The following FASN variants were observed in gnomAD, a reference collection of about 807,000 sequenced individuals.
FASN encodes the protein fatty acid synthase.
A neutral mutation model predicts 250.0 loss-of-function variants in FASN; 50 were observed. The ratio of observed to expected loss-of-function variants is 0.20; its 90% CI spans 0.16 to 0.25. The LOEUF is 0.25. Ranked by LOEUF, FASN falls within the 10% of genes least tolerant of loss-of-function variation. FASN has a pLI of 1.00. For missense variants in FASN, 3,031 were observed against 3,498.5 expected, an observed-to-expected ratio of 0.87 and a Z score of 3.37; for synonymous variants, 1,909 against 1,584.0, an observed-to-expected ratio of 1.21 and a Z score of -4.87.
chr17:82,080,017 T>C, intron 41 of FASN, 123 bp downstream of exon 41: 2 of 1,088,732 alleles, frequency 1.8e-6, no homozygotes, highest in Non-Finnish European at 2.8e-6. Flanking sequence ...CGGGATCGGC[T>C]ATTAAAGGGG....
intron 11 of FASN, 30 bp from the exon 12 acceptor site, chr17:82,089,756 C>A (rs751126577): frequency 1.5e-5 from 24 of 1,551,568 alleles, no homozygotes; most frequent in Non-Finnish European, 2.0e-5. Context: ...AGAGGCTTAG[C>A]GTGGACACCG....
In FASN at chr17:82,083,801, T is replaced by C; in HGVS notation, c.5189A>G (p.Gln1730Arg). ...CCCGCCCGTGTGCCACAGCACATGC[T>C]GCTCGAAGGATGTGTCCCGGGAGTT... is the stretch of plus-strand genomic sequence containing the variant. ...FANSRDTSFE[Q>R]HVLWHTGGKG... Residue 1730 changes from glutamine (Q) to arginine (R), a missense_variant, in exon 30 of 43, where the codon CAG (glutamine) becomes CGG (arginine). Gln to Arg is a conservative substitution (Grantham distance 43, BLOSUM62 1). Coordinates refer to ENST00000306749, the MANE Select transcript of FASN (RefSeq NM_004104.5). 2 of 1,610,758 alleles carry C rather than the reference T, an allele frequency of 1.2e-6. No individual in the cohort carries two copies. The highest frequency in any genetic ancestry group is 1.7e-6 in the Non-Finnish European group (2 of 1,179,368).
In FASN at chr17:82,089,230, C is replaced by T; in HGVS notation, c.2100+20G>A. The T allele has an allele frequency of 6.2e-7, 1 of 1,611,792 alleles. No individual in the cohort carries two copies. The highest frequency in any genetic ancestry group is 1.3e-5 in the African/African-American group (1 of 74,988). On this transcript the variant is annotated intron_variant, in intron 13 of 42. Coordinates refer to ENST00000306749, the MANE Select transcript of FASN (RefSeq NM_004104.5). ...GGGTCCCCTGGCCCGCCCCGCACCC[C>T]CCAGGCCGTATTAGTCCACCTTCTT...
At chr17:82,087,019 G>A (rs1237049097) in intron 21 of FASN, 31 bp downstream of exon 21, 3 of 1,608,512 alleles carry the variant, frequency 1.9e-6, no homozygotes, top group African/African-American at 1.3e-5. Context: ...ATCGCCAGAG[G>A]TGTCCGAAGC....
Position 82,091,624 on chromosome 17 carries a change from G to A in FASN, c.1090C>T (p.Pro364Ser), listed in dbSNP as rs779558418. The A allele has an allele frequency of 1.1e-5, 18 of 1,597,110 alleles. No individual in the cohort carries two copies. Among genetic ancestry groups the A allele is most frequent in the Middle Eastern group, 1.7e-4 (1 of 6,044 alleles). Residue 364 changes from proline to serine, a missense_variant, in exon 9 of 43, where the codon CCT becomes TCT. Pro to Ser is a moderately conservative substitution (Grantham distance 74). Transcript: ENST00000306749. ...CCATCCAACAGCGCTGGGATCTCAGGGTTGGGGCTATGGAAGTGCAGGTTG... is the reference window on the plus strand; with the variant it reads ...CCATCCAACAGCGCTGGGATCTCAGAGTTGGGGCTATGGAAGTGCAGGTTG... Reference protein sequence around the residue: ...APNLHFHSPNPEIPALLDGRL... With the variant: ...APNLHFHSPNSEIPALLDGRL...
At chr17:82,090,653 C>T (rs1383518473) in intron 10 of FASN, 89 bp from the exon 11 acceptor site, 3 of 1,284,390 alleles carry the variant, frequency 2.3e-6, no homozygotes, top group Non-Finnish European at 3.3e-6. Flanking sequence ...CATCTCCACC[C>T]CCGCGCCCCA....
intron 1 of FASN, chr17:82,097,606 C>G (rs1161913712): frequency 6.6e-6 from 1 of 152,246 alleles, no homozygotes; most frequent in Non-Finnish European, 1.5e-5. Context: ...GGGAACACCG[C>G]GGCGCGCCCG....
At chr17:82,095,298 C>T (rs759639912) in intron 3 of FASN, 22 bp downstream of exon 3, 6 of 1,611,970 alleles carry the variant, frequency 3.7e-6, no homozygotes, top group Middle Eastern at 3.3e-4. Flanking sequence ...CTCGGCGCAG[C>T]AGTCGCGAAT....
At position 82,083,012 on chromosome 17, in the gene FASN, G is replaced by A. The variant is rs1242610361; in HGVS notation, c.5669C>T (p.Ala1890Val). The A allele has an allele frequency of 1.2e-6, 2 of 1,612,848 alleles. No homozygotes were observed. Among genetic ancestry groups the A allele is most frequent in the Non-Finnish European group, 1.7e-6 (2 of 1,180,004 alleles). ...CAGGCCGAAGCCACCCAGACCACCAGCGATGATGTAGCTCTTGTGGGCCGG... is the reference window on the plus strand; with the variant it reads ...CAGGCCGAAGCCACCCAGACCACCAACGATGATGTAGCTCTTGTGGGCCGG... Reference protein sequence around the residue: ...FCPAHKSYIIAGGLGGFGLEL... With the variant: ...FCPAHKSYIIVGGLGGFGLEL... Residue 1890 changes from alanine (A) to valine (V), a missense_variant, in exon 33 of 43, where the codon GCT becomes GTT. Coordinates refer to ENST00000306749, the MANE Select transcript of FASN (RefSeq NM_004104.5).
intron 22 of FASN, 112 bp from the exon 23 acceptor site, chr17:82,085,983 C>A: frequency 7.5e-7 from 1 of 1,326,882 alleles, no homozygotes; most frequent in Non-Finnish European, 1.0e-6. Context: ...CCCCGTCAAC[C>A]TGATGACGGT....
At chr17:82,093,148 C>A in intron 5 of FASN, 71 bp downstream of exon 5, 7 of 1,536,542 alleles carry the variant, frequency 4.6e-6, no homozygotes, top group Non-Finnish European at 5.3e-6. Context: ...TCCTGCTCAG[C>A]GTGGGGACTG....
chr17:82,081,373 C>A, intron 37 of FASN, 21 bp from the exon 38 acceptor site: 10 of 1,558,954 alleles, frequency 6.4e-6, no homozygotes, highest in Non-Finnish European at 7.8e-6. Flanking sequence ...TGCGCCGGGT[C>A]GGCAACTCCA....
Position 82,088,412 on chromosome 17 carries a change from G to T in FASN, c.2571C>A (p.Pro857=). Residue 857 remains proline (P), a synonymous_variant, in exon 16 of 43, where the codon CCC becomes CCA. Transcript: ENST00000306749. ...CACCGATGTTGTAGATGGCGGCTGA[G>T]GGGGAACCTGAACCGTTGGGGAAGT... ...AEDFPNGSGS[P]SAAIYNIDTS... 1 of 1,612,326 alleles carries T rather than the reference G, an allele frequency of 6.2e-7. No homozygotes were observed. The highest frequency in any genetic ancestry group is 8.5e-7 in the Non-Finnish European group (1 of 1,179,686).
At chr17:82,082,440 C>T (rs1428490796) in intron 34 of FASN, 26 bp from the exon 35 acceptor site, 4 of 1,612,424 alleles carry the variant, frequency 2.5e-6, no homozygotes, top group South Asian at 1.1e-5. Flanking sequence ...TCAGCACTCC[C>T]TGCAGCTCCA....
rs17848939 is a variant in FASN, at chr17:82,085,473, C to T, written c.4122+9G>A. ...GCCCCCACCCTGTCCCCCTGCCCGGCGGCCGCACCTGGCTCAGGATGCCCT... is the reference window on the plus strand; with the variant it reads ...GCCCCCACCCTGTCCCCCTGCCCGGTGGCCGCACCTGGCTCAGGATGCCCT... On this transcript the variant is annotated intron_variant, in intron 23 of 42. Transcript: ENST00000306749. 0.51 allele frequency: 816,262 copies of T among 1,587,466 alleles called. 214,602 individuals are homozygous for T. Among genetic ancestry groups the T allele is most frequent in the Non-Finnish European group, 0.55 (638,848 of 1,167,714 alleles).
Position 82,084,722 on chromosome 17 carries a change from G to C in FASN, c.4565-6C>G. The C allele has an allele frequency of 6.4e-7, 1 of 1,556,640 alleles. No homozygotes were observed. The highest frequency in any genetic ancestry group is 8.7e-7 in the Non-Finnish European group (1 of 1,150,402). On this transcript the variant is annotated splice_polypyrimidine_tract_variant and splice_region_variant and intron_variant, in intron 26 of 42. Transcript: ENST00000306749. Reference sequence around the variant, plus strand: ...CGTCGGCTCCTCAGGCTTGTCTAGGGAAACAGGGAGGTGGGGCTGCTGCGG... The same window carrying C: ...CGTCGGCTCCTCAGGCTTGTCTAGGCAAACAGGGAGGTGGGGCTGCTGCGG...
In FASN at chr17:82,083,507, C is replaced by T; in HGVS notation, c.5341+10G>A. 6.2e-7 allele frequency: 1 copy of T among 1,612,788 alleles called. No individual in the cohort carries two copies. Among genetic ancestry groups the T allele is most frequent in the Non-Finnish European group, 8.5e-7 (1 of 1,179,992 alleles). On this transcript the variant is annotated intron_variant, in intron 31 of 42. Coordinates refer to ENST00000306749, the MANE Select transcript of FASN (RefSeq NM_004104.5). ...CATGCCCACCCCCGCCCAGGCGCTGCCGGCCTCACCGAGCGGGTGGTTCTG... is the reference window on the plus strand; with the variant it reads ...CATGCCCACCCCCGCCCAGGCGCTGTCGGCCTCACCGAGCGGGTGGTTCTG...
In FASN at chr17:82,092,355, G is replaced by A. The variant is rs947143478; in HGVS notation, c.1029+100C>T. On this transcript the variant is annotated intron_variant, in intron 8 of 42. Coordinates refer to ENST00000306749, the MANE Select transcript of FASN (RefSeq NM_004104.5). ...AGAGGCTCCTGGTGGGGAAGCCCCC[G>A]CCTCCACTTGGCAAAGAGAAAGCAG... 41 of 1,305,398 alleles carry A rather than the reference G, an allele frequency of 3.1e-5. No homozygotes were observed. In the Middle Eastern group the frequency reaches 7.6e-4, roughly 24 times the overall value. The allele number at this position is 1,305,398 out of a possible 1,614,324, so 80.9% of individuals were successfully genotyped here.
chr17:82,079,329 C>T, intron 42 of FASN, 28 bp downstream of exon 42: 1 of 1,613,050 alleles, frequency 6.2e-7, no homozygotes, highest in Non-Finnish European at 8.5e-7. Context: ...CTGTCCCTGT[C>T]CCCGTTCCCG....
Sources: allele counts gnomAD v4.1 joint callset, GRCh38; gene constraint gnomAD v4.1.1; transcripts MANE v1.5; gene names NCBI Gene and HGNC (gene_info 2026-07-23, HGNC 2026-07-21).